SYN3: variants seen among roughly 807,000 people sequenced by gnomAD.
SYN3 encodes the protein synapsin III.
A neutral mutation model predicts 65.8 loss-of-function variants in SYN3; 35 were observed. The observed-to-expected ratio is 0.53, with a 90% CI of 0.41 to 0.70. The LOEUF is 0.70. SYN3 is among the 30% of genes least tolerant of loss of function. The pLI is 0.00. For synonymous variants in SYN3, 270 were observed against 292.9 expected (o/e 0.92, Z 0.80); for missense variants, 680 against 749.0 (o/e 0.91, Z 1.08).
chr22:33,000,076 A>G (rs1470937308), intron 2 of SYN3, among the ~76,000 whole-genome samples: 3 of 152,026 alleles, frequency 2.0e-5, no homozygotes, highest in Non-Finnish European at 4.4e-5. Context: ...TCTCAAATCT[A>G]CAGATGAGGC....
At chr22:32,825,964 T>TTTA (rs1195301229) in intron 6 of SYN3, among the ~76,000 whole-genome samples, 3 of 152,126 alleles carry the variant, frequency 2.0e-5, no homozygotes, top group Admixed American at 6.5e-5. Flanking sequence ...TATCCACAAG[T>TTTA]TTATAGTAGC....
chr22:32,577,677 C>A (rs1298957574), intron 7 of SYN3, among the ~76,000 whole-genome samples: 1 of 152,232 alleles, frequency 6.6e-6, no homozygotes, highest in Non-Finnish European at 1.5e-5. Context: ...CCTGTCCTCA[C>A]TCTGGGAGCT....
In SYN3 at chr22:32,859,534, T is replaced by C. The variant is rs546207670; in HGVS notation, c.711+5381A>G. ...AAAGGTCTATGCTGTCATATGGGGT[T>C]TATTGGGAACTATCCTCCTGGCCCC... On this transcript the variant is annotated intron_variant, in intron 6 of 13. Coordinates refer to ENST00000358763, the MANE Select transcript of SYN3 (RefSeq NM_003490.4). The C allele has an allele frequency of 1.8e-5, 17 of 964,492 alleles. No homozygotes were observed. In the Admixed American group the frequency reaches 4.5e-4, roughly 26 times the overall value. 59.7% of individuals were successfully genotyped at this position (964,492 alleles called of 1,614,324 possible). A position where few individuals can be genotyped will look rare whatever the true frequency, so the allele number is the denominator to read the frequency against.
intron 4 of SYN3, among the ~76,000 whole-genome samples, chr22:32,903,942 G>A (rs1365914931): frequency 1.3e-5 from 2 of 152,200 alleles, no homozygotes; most frequent in Non-Finnish European, 2.9e-5. Flanking sequence ...GCCAGGCCCA[G>A]TACATAGTAG....
At chr22:32,528,106 G>C in intron 11 of SYN3, 101 bp from the exon 12 acceptor site, 1 of 900,364 alleles carries the variant, frequency 1.1e-6, no homozygotes, top group Non-Finnish European at 1.7e-6. Context: ...ATTGAGAAGA[G>C]ACTCTTACAC....
chr22:32,850,390 G>A (rs956429615), intron 6 of SYN3, among the ~76,000 whole-genome samples: 2 of 151,994 alleles, frequency 1.3e-5, no homozygotes, highest in Middle Eastern at 3.2e-3. Context: ...CCTGGGATGC[G>A]GGCCATGTTA....
chr22:32,895,719 G>A (rs936760431), intron 4 of SYN3, among the ~76,000 whole-genome samples: 3 of 152,086 alleles, frequency 2.0e-5, no homozygotes, highest in Non-Finnish European at 2.9e-5. Context: ...CTTATTTCTC[G>A]GGTTACACAA....
intron 3 of SYN3, among the ~76,000 whole-genome samples, chr22:32,935,308 T>TCTCA (rs1556021081): frequency 3.4e-5 from 5 of 149,120 alleles, no homozygotes; most frequent in African/African-American, 9.9e-5. Context: ...TCTCTCTCTC[T>TCTCA]CACACACACA....
In SYN3 at chr22:32,909,826, G is replaced by A. The variant is rs114064615; in HGVS notation, c.461+21564C>T. On this transcript the variant is annotated intron_variant, in intron 4 of 13. Coordinates refer to ENST00000358763, the MANE Select transcript of SYN3 (RefSeq NM_003490.4). Reference sequence around the variant, plus strand: ...CCAGTAGCATGAGCCCAGCCTCCTAGACTCGCCTTTGTGAAGCAGTGCAGT... The same window carrying A: ...CCAGTAGCATGAGCCCAGCCTCCTAAACTCGCCTTTGTGAAGCAGTGCAGT... 9.2e-3 allele frequency among the ~76,000 whole-genome samples: 1,407 copies of A among 152,276 alleles called. 20 individuals carry two copies. The highest frequency in any genetic ancestry group is 0.032 in the African/African-American group (1,323 of 41,530).
intron 6 of SYN3, among the ~76,000 whole-genome samples, chr22:32,630,672 G>A (rs953228288): frequency 6.6e-6 from 1 of 152,168 alleles, no homozygotes; most frequent in Non-Finnish European, 1.5e-5. Context: ...TACGTGCACA[G>A]CTATGTGACC....
At chr22:32,791,519 A>T (rs2046322865) in intron 6 of SYN3, among the ~76,000 whole-genome samples, 1 of 151,806 alleles carries the variant, frequency 6.6e-6, no homozygotes, top group South Asian at 2.1e-4. Context: ...GGGTACAGGC[A>T]TTCTGGGAAG....
At chr22:33,018,928 T>C (rs908351375) in intron 1 of SYN3, among the ~76,000 whole-genome samples, 3 of 152,180 alleles carry the variant, frequency 2.0e-5, no homozygotes, top group Non-Finnish European at 2.9e-5. Context: ...CTGTCTCCAC[T>C]AACATCTTCA....
At chr22:32,956,039 C>CATATAT (rs2051443185) in intron 3 of SYN3, among the ~76,000 whole-genome samples, 1 of 57,598 alleles carries the variant, frequency 1.7e-5, no homozygotes, top group African/African-American at 1.4e-4. Flanking sequence ...TTAATAAATT[C>CATATAT]ACATATATAT....
intron 1 of SYN3, among the ~76,000 whole-genome samples, chr22:33,033,800 G>A (rs2053799454): frequency 6.6e-6 from 1 of 152,138 alleles, no homozygotes. Context: ...GTGCAGACGA[G>A]GGAACAGACT....
intron 1 of SYN3, among the ~76,000 whole-genome samples, chr22:33,037,511 A>T (rs916735305): frequency 6.6e-6 from 1 of 152,206 alleles, no homozygotes; most frequent in Non-Finnish European, 1.5e-5. Flanking sequence ...AACTATATTA[A>T]TCATAGTCTG....
chr22:32,639,512 T>C (rs2059866133), intron 6 of SYN3, among the ~76,000 whole-genome samples: 1 of 152,180 alleles, frequency 6.6e-6, no homozygotes, highest in South Asian at 2.1e-4. Flanking sequence ...CTTTTGCTTC[T>C]TTCATGTTTG....
intron 6 of SYN3, among the ~76,000 whole-genome samples, chr22:32,784,303 C>T (rs554355975): frequency 5.3e-5 from 8 of 152,314 alleles, no homozygotes; most frequent in African/African-American, 1.9e-4. Flanking sequence ...TATGAACAAT[C>T]ATGTTACATG....
intron 1 of SYN3, among the ~76,000 whole-genome samples, chr22:33,016,807 C>T (rs1382947453): frequency 6.6e-6 from 1 of 151,990 alleles, no homozygotes; most frequent in Non-Finnish European, 1.5e-5. Context: ...GATATTAGCC[C>T]CTTATCAGAT....
At chr22:33,008,524 G>A (rs995978155) in intron 1 of SYN3, among the ~76,000 whole-genome samples, 7 of 152,130 alleles carry the variant, frequency 4.6e-5, no homozygotes, top group African/African-American at 1.4e-4. Flanking sequence ...GTTCTGAGAT[G>A]CAATATGTTG....
Sources: allele counts gnomAD v4.1 joint callset (sites outside exome capture counted in the v4.1 genomes callset), GRCh38; gene constraint gnomAD v4.1.1; transcripts MANE v1.5; gene names NCBI Gene and HGNC (gene_info 2026-07-23, HGNC 2026-07-21).